PCNT: variants seen among roughly 807,000 people sequenced by gnomAD.
PCNT encodes the protein kendrin.
PCNT carries 319 observed loss-of-function variants against 380.4 expected under a neutral mutation model. The ratio of observed to expected loss-of-function variants is 0.84; its 90% confidence interval spans 0.77 to 0.92. The LOEUF (loss-of-function observed/expected upper bound fraction) is 0.92. Among genes scored for constraint, PCNT ranks in the 40% least tolerant of loss-of-function variants. The pLI is 0.00. For missense variants in PCNT, 4,400 were observed against 4,255.3 expected (o/e 1.03, Z -0.95); for synonymous variants, 1,845 against 1,735.2 (o/e 1.06, Z -1.57).
intron 15 of PCNT, among the ~76,000 whole-genome samples, chr21:46,375,092 G>A (rs560266280): frequency 6.6e-6 from 1 of 152,274 alleles, no homozygotes; most frequent in African/African-American, 2.4e-5. Context: ...TTGGTTGTGA[G>A]GAAAGTCCTC....
chr21:46,375,852 G>A (rs935487808), intron 15 of PCNT, among the ~76,000 whole-genome samples: 23 of 152,262 alleles, frequency 1.5e-4, no homozygotes. Flanking sequence ...CTGAGAGTGT[G>A]CAGGCAGGAC....
In PCNT at chr21:46,430,572, G is replaced by A. The variant is rs1254321093; in HGVS notation, c.7979G>A (p.Gly2660Glu). 1.3e-6 allele frequency: 2 copies of A among 1,561,030 alleles called. No individual in the cohort carries two copies. The highest frequency in any genetic ancestry group is 2.7e-5 in the African/African-American group (2 of 73,668). Residue 2660 changes from glycine (G) to glutamate (E), a missense_variant, in exon 37 of 47, where the codon GGG becomes GAG. Transcript: ENST00000359568. Reference sequence around the variant, plus strand: ...CTTCAGGAGCTGGAGAGTGAGCAGGGGAAGGGGCGTGCCCTGCAGAGCCAG... The same window carrying A: ...CTTCAGGAGCTGGAGAGTGAGCAGGAGAAGGGGCGTGCCCTGCAGAGCCAG... ...AALQELESEQ[G>E]KGRALQSQLE...
intron 15 of PCNT, 54 bp downstream of exon 15, chr21:46,367,193 T>A: frequency 6.7e-7 from 1 of 1,486,564 alleles, no homozygotes; most frequent in Non-Finnish European, 9.3e-7. Flanking sequence ...TCGCTGCCTG[T>A]GTGTTTCCAC....
At chr21:46,368,623 C>G (rs922640790) in intron 15 of PCNT, among the ~76,000 whole-genome samples, 1 of 152,226 alleles carries the variant, frequency 6.6e-6, no homozygotes, top group Non-Finnish European at 1.5e-5. Context: ...TGTGCTTTCT[C>G]TGCCCTCAGT....
chr21:46,411,845 G>A lies in PCNT; in HGVS notation c.5772G>A (p.Ala1924=), dbSNP rs557056406. ...AAPPELQWLR[A]QCARLSRQLQ... ...CTCCCGAGCTGCAGTGGCTCCGAGC[G>A]CAGTGTGCCCGCCTCAGCCGCCAGC... The change falls in exon 28 of 47, where the codon GCG becomes GCA. Residue 1924 remains alanine (A), a synonymous_variant. Coordinates refer to ENST00000359568, the MANE Select transcript of PCNT (RefSeq NM_006031.6). 33 of 1,559,472 alleles carry A rather than the reference G, an allele frequency of 2.1e-5. 1 individual carries two copies. The highest frequency in any genetic ancestry group is 1.9e-4 in the East Asian group (8 of 42,306).
intron 30 of PCNT, among the ~76,000 whole-genome samples, chr21:46,417,180 C>A (rs1336765130): frequency 8.4e-6 from 1 of 118,900 alleles, no homozygotes; most frequent in Non-Finnish European, 1.8e-5. Context: ...TTTAGGAATG[C>A]TTCCTTTTTT....
At position 46,324,188 on chromosome 21, in the gene PCNT, GC is replaced by G; in HGVS notation, c.-37del. On this transcript the variant is annotated 5_prime_UTR_variant, in exon 1 of 47. Coordinates refer to ENST00000359568, the MANE Select transcript of PCNT (RefSeq NM_006031.6). ...ATAGAGCGAAGGCTGCTCTGTGTCA[GC>G]CCCGTCACCGCCGGGCGGCCCGCGC... 2 of 1,571,884 alleles carry G rather than the reference GC, an allele frequency of 1.3e-6. No individual in the cohort carries two copies. Among genetic ancestry groups the G allele is most frequent in the Non-Finnish European group, 1.7e-6 (2 of 1,148,866 alleles).
intron 42 of PCNT, 43 bp from the exon 43 acceptor site, chr21:46,440,812 C>G (rs755922405): frequency 1.7e-6 from 2 of 1,198,186 alleles, no homozygotes; most frequent in Non-Finnish European, 2.5e-6. Context: ...GCAAGACAGT[C>G]TTTGTTTCCT....
At chr21:46,372,791 G>A (rs535296946) in intron 15 of PCNT, among the ~76,000 whole-genome samples, 2 of 152,308 alleles carry the variant, frequency 1.3e-5, no homozygotes, top group African/African-American at 4.8e-5. Flanking sequence ...GCTGCCCAGT[G>A]TGGACACTGG....
intron 15 of PCNT, among the ~76,000 whole-genome samples, chr21:46,379,998 C>T (rs774941097): frequency 1.3e-5 from 2 of 152,176 alleles, no homozygotes; most frequent in Non-Finnish European, 2.9e-5. Context: ...CAGAGCTTTC[C>T]AGAGGCCCCT....
chr21:46,423,618 G>C (rs963353758), intron 32 of PCNT, among the ~76,000 whole-genome samples: 18 of 148,198 alleles, frequency 1.2e-4, no homozygotes, highest in Non-Finnish European at 2.5e-4. Context: ...TTCATACTTA[G>C]GTTTCATAAT....
intron 3 of PCNT, among the ~76,000 whole-genome samples, chr21:46,337,000 T>G (rs1330983606): frequency 6.6e-6 from 1 of 151,982 alleles, no homozygotes; most frequent in Admixed American, 6.6e-5. Flanking sequence ...GTTTGTTTGT[T>G]TGTTTGTTTG....
At chr21:46,419,946 T>C (rs567642255) in intron 31 of PCNT, among the ~76,000 whole-genome samples, 2 of 152,324 alleles carry the variant, frequency 1.3e-5, no homozygotes, top group East Asian at 3.9e-4. Context: ...CAGAAGCCTC[T>C]GTAGAAAAGG....
Position 46,388,809 on chromosome 21 carries a change from A to G in PCNT, c.3532A>G (p.Thr1178Ala), listed in dbSNP as rs1389951479. The G allele has an allele frequency of 6.2e-7, 1 of 1,613,234 alleles. No homozygotes were observed. The highest frequency in any genetic ancestry group is 1.3e-5 in the African/African-American group (1 of 74,896). ...LFGETLRAAV[T>A]LRSRIGERVG... ...TGGAGAGACGCTGAGGGCAGCCGTC[A>G]CCCTGAGGAGCCGGATCGGGGAGCG... Residue 1178 changes from threonine to alanine, a missense_variant, in exon 18 of 47, where the codon ACC (threonine) becomes GCC (alanine). Transcript: ENST00000359568. This position sits in a 1 kb window ranked among gnomAD's most constrained non-coding sequence, Gnocchi z 4.2.
Position 46,425,982 on chromosome 21 carries a change from C to G in PCNT, c.7320+11C>G. The G allele has an allele frequency of 7.4e-6, 12 of 1,613,750 alleles. No individual in the cohort carries two copies. Among genetic ancestry groups the G allele is most frequent in the Non-Finnish European group, 1.0e-5 (12 of 1,179,840 alleles). ...GGGGGAAAGACGCAGGTTTATTTTG[C>G]CCTTCACACACTTCTTTTCCAAAGG... On this transcript the variant is annotated intron_variant, in intron 33 of 46. Coordinates refer to ENST00000359568, the MANE Select transcript of PCNT (RefSeq NM_006031.6). This position sits in a 1 kb window ranked among gnomAD's most constrained non-coding sequence, Gnocchi z 4.2.
intron 3 of PCNT, among the ~76,000 whole-genome samples, chr21:46,342,267 C>T (rs1001543134): frequency 1.3e-5 from 2 of 152,014 alleles, no homozygotes; most frequent in African/African-American, 4.8e-5. Context: ...CAACTGCGGC[C>T]AGCTAATTTT....
intron 9 of PCNT, 93 bp from the exon 10 acceptor site, chr21:46,353,011 G>A (rs2084331619): frequency 6.8e-6 from 7 of 1,025,786 alleles, no homozygotes; most frequent in Non-Finnish European, 1.1e-5. Context: ...TCCGAGTTCT[G>A]CCCCCACCAC....
In PCNT at chr21:46,402,484, G is replaced by A. The variant is rs756216990; in HGVS notation, c.5115+1G>A. 3.1e-6 allele frequency: 5 copies of A among 1,613,966 alleles called. No individual in the cohort carries two copies. The highest frequency in any genetic ancestry group is 8.5e-7 in the Non-Finnish European group (1 of 1,179,908). On this transcript the variant is annotated splice_donor_variant, in intron 27 of 46. Transcript: ENST00000359568. LOFTEE classifies it high-confidence loss of function. ...TGAGGAAGAGAACACGAGCTTGAAG[G>A]TAAGCTACCAAAGGTCCACGTGACG... is the stretch of plus-strand genomic sequence containing the variant.
intron 8 of PCNT, among the ~76,000 whole-genome samples, chr21:46,350,487 T>C (rs768010952): frequency 7.9e-5 from 12 of 152,206 alleles, no homozygotes; most frequent in Admixed American, 2.0e-4. Context: ...AAAATGTTGA[T>C]GTGGCCAGGT....
Sources: gnomAD v4.1 joint callset for allele counts (sites outside exome capture counted in the v4.1 genomes callset) on GRCh38, gnomAD v4.1.1 for gene constraint, Gnocchi (gnomAD v3.1) non-coding constraint, MANE v1.5 for transcripts, NCBI Gene and HGNC (gene_info 2026-07-23, HGNC 2026-07-21) for gene names.